The following UNC5D variants were observed in gnomAD, a reference collection of about 807,000 sequenced individuals.
The protein encoded by UNC5D is netrin receptor UNC5D.
UNC5D carries 39 observed loss-of-function variants against 105.4 expected under a neutral mutation model. That is an observed-to-expected ratio of 0.37 (90% confidence interval 0.29 to 0.48). The LOEUF (loss-of-function observed/expected upper bound fraction) is 0.48. Ranked by LOEUF, UNC5D falls within the 20% of genes least tolerant of loss-of-function variation. The pLI is 0.98. For missense variants in UNC5D, 991 were observed against 1,202.4 expected (o/e 0.82, Z 2.60); for synonymous variants, 452 against 450.4 (o/e 1.00, Z -0.04).
intron 2 of UNC5D, 83 bp downstream of exon 2, chr8:35,549,593 C>A: frequency 1.5e-6 from 2 of 1,325,048 alleles, no homozygotes; most frequent in South Asian, 1.3e-5. Flanking sequence ...GACTGGAAAT[C>A]ACCCCCCATT....
intron 1 of UNC5D, among the ~76,000 whole-genome samples, chr8:35,399,947 ATTC>A (rs1804348306): frequency 6.6e-6 from 1 of 152,146 alleles, no homozygotes; most frequent in African/African-American, 2.4e-5. Context: ...TCTGGCAATG[ATTC>A]CCTGGTGATA....
chr8:35,364,522 G>T (rs778660207), intron 1 of UNC5D, among the ~76,000 whole-genome samples: 69 of 152,058 alleles, frequency 4.5e-4, no homozygotes, highest in Non-Finnish European at 1.8e-4. Context: ...ATGATTCCTG[G>T]TTGCTTTTAT....
At chr8:35,736,396 C>T (rs1028123758) in intron 11 of UNC5D, among the ~76,000 whole-genome samples, 1 of 151,998 alleles carries the variant, frequency 6.6e-6, no homozygotes, top group Non-Finnish European at 1.5e-5. Context: ...AAAAAGGAGT[C>T]TTAAAAACCA....
chr8:35,507,049 C>CTT (rs71215631), intron 1 of UNC5D, among the ~76,000 whole-genome samples: 1,949 of 76,082 alleles, frequency 0.026, 43 homozygotes, highest in Middle Eastern at 0.036. Context: ...CAGGGCTTTT[C>CTT]TTTTTTTTTT....
chr8:35,759,512 AC>A, intron 14 of UNC5D, 43 bp downstream of exon 14: 1 of 1,588,036 alleles, frequency 6.3e-7, no homozygotes, highest in Non-Finnish European at 8.5e-7. Flanking sequence ...CTTTGCTTTA[AC>A]CGGCAAGCAT....
At chr8:35,370,008 C>T (rs1264426777) in intron 1 of UNC5D, among the ~76,000 whole-genome samples, 1 of 152,176 alleles carries the variant, frequency 6.6e-6, no homozygotes, top group African/African-American at 2.4e-5. Context: ...ATATGATCTT[C>T]CCTTTCTTTC....
chr8:35,505,830 C>T (rs1449406614), intron 1 of UNC5D, among the ~76,000 whole-genome samples: 2 of 152,248 alleles, frequency 1.3e-5, no homozygotes, highest in Admixed American at 1.3e-4. Flanking sequence ...AGCCGGACTG[C>T]CTTTGATCAG....
intron 7 of UNC5D, among the ~76,000 whole-genome samples, chr8:35,700,747 C>T (rs1184817992): frequency 1.3e-5 from 2 of 152,134 alleles, no homozygotes; most frequent in African/African-American, 4.8e-5. Context: ...GAAACTAATT[C>T]ATATCTGGCA....
At chr8:35,646,152 A>C (rs184633247) in intron 4 of UNC5D, among the ~76,000 whole-genome samples, 1 of 152,278 alleles carries the variant, frequency 6.6e-6, no homozygotes, top group East Asian at 1.9e-4. Flanking sequence ...CTGAGCACTT[A>C]TTGTGTTGTC....
chr8:35,497,001 A>G (rs1180814795), intron 1 of UNC5D, among the ~76,000 whole-genome samples: 1 of 152,216 alleles, frequency 6.6e-6, no homozygotes, highest in Non-Finnish European at 1.5e-5. Context: ...ATAGATTAAC[A>G]AAAGAAAAGC....
chr8:35,590,097 C>T (rs1282247713), intron 3 of UNC5D, among the ~76,000 whole-genome samples: 1 of 151,976 alleles, frequency 6.6e-6, no homozygotes, highest in Non-Finnish European at 1.5e-5. Flanking sequence ...TTTTATTAGC[C>T]ACTTGTATCT....
At chr8:35,247,432 T>A (rs1803186861) in intron 1 of UNC5D, among the ~76,000 whole-genome samples, 2 of 145,628 alleles carry the variant, frequency 1.4e-5, no homozygotes, top group African/African-American at 2.5e-5. Context: ...ATCTTAAGCT[T>A]TTGTTCCAGT....
At chr8:35,559,347 A>G (rs747148037) in intron 2 of UNC5D, among the ~76,000 whole-genome samples, 16 of 152,168 alleles carry the variant, frequency 1.1e-4, no homozygotes, top group Admixed American at 3.9e-4. Flanking sequence ...TCTTGAATCT[A>G]TTGGTTCCGG....
intron 1 of UNC5D, among the ~76,000 whole-genome samples, chr8:35,256,976 G>GT (rs1804125192): frequency 7.5e-6 from 1 of 132,466 alleles, no homozygotes; most frequent in Non-Finnish European, 1.6e-5. Context: ...TTTTTTTTTT[G>GT]TTTTTTGTTT....
intron 1 of UNC5D, among the ~76,000 whole-genome samples, chr8:35,447,242 A>G (rs1807856853): frequency 6.6e-6 from 1 of 152,096 alleles, no homozygotes; most frequent in Non-Finnish European, 1.5e-5. Flanking sequence ...AATGCTTATC[A>G]CTAACTCTAC....
intron 4 of UNC5D, among the ~76,000 whole-genome samples, chr8:35,652,554 C>G (rs943346204): frequency 1.3e-5 from 2 of 151,414 alleles, no homozygotes; most frequent in Non-Finnish European, 2.9e-5. Flanking sequence ...TAAAGCATAG[C>G]ATAATTACTT....
chr8:35,403,554 G>A (rs1472360311), intron 1 of UNC5D, among the ~76,000 whole-genome samples: 2 of 152,140 alleles, frequency 1.3e-5, no homozygotes, highest in Non-Finnish European at 1.5e-5. Flanking sequence ...TTGCACTTTG[G>A]AATTTTGGCA....
intron 11 of UNC5D, among the ~76,000 whole-genome samples, chr8:35,745,419 G>A (rs1303138398): frequency 1.3e-5 from 2 of 152,136 alleles, no homozygotes; most frequent in Non-Finnish European, 2.9e-5. Flanking sequence ...GTGGCTGCAT[G>A]GGGGACAGGC....
chr8:35,538,407 A>ATATG (rs1448771592), intron 1 of UNC5D, among the ~76,000 whole-genome samples: 16 of 42,084 alleles, frequency 3.8e-4, no homozygotes, highest in Admixed American at 3.5e-4. Flanking sequence ...ATATATATAT[A>ATATG]TATATATATA....
Sources: gnomAD v4.1 joint callset for allele counts (sites outside exome capture counted in the v4.1 genomes callset) on GRCh38, gnomAD v4.1.1 for gene constraint, MANE v1.5 for transcripts, NCBI Gene and HGNC (gene_info 2026-07-23, HGNC 2026-07-21) for gene names.